CNTNAP2: variants seen among roughly 807,000 people sequenced by gnomAD.
The protein encoded by CNTNAP2 is contactin-associated protein-like 2.
Under a neutral mutation model 155.2 loss-of-function variants are expected in CNTNAP2, and 98 were observed. The ratio of observed to expected loss-of-function variants is 0.63; its 90% CI spans 0.54 to 0.75. CNTNAP2 has a LOEUF of 0.75. Ranked by LOEUF, CNTNAP2 falls within the 30% of genes least tolerant of loss-of-function variation. CNTNAP2 has a pLI of 0.00. For synonymous variants in CNTNAP2, 651 were observed against 631.2 expected, an observed-to-expected ratio of 1.03 and a Z score of -0.47; for missense variants, 1,727 against 1,688.1, an observed-to-expected ratio of 1.02 and a Z score of -0.40.
intron 9 of CNTNAP2, among the ~76,000 whole-genome samples, chr7:147,386,932 G>A (rs1017481776): frequency 2.0e-5 from 3 of 152,204 alleles, no homozygotes; most frequent in African/African-American, 7.2e-5. Flanking sequence ...GGCTAGGTAA[G>A]TCTCACAATC....
chr7:148,066,574 T>A (rs886384194), intron 15 of CNTNAP2, among the ~76,000 whole-genome samples: 4 of 152,126 alleles, frequency 2.6e-5, no homozygotes, highest in Admixed American at 6.5e-5. Context: ...CTCGGCTCAC[T>A]GCAAGCTCCA....
intron 13 of CNTNAP2, among the ~76,000 whole-genome samples, chr7:147,739,238 T>G (rs1796914318): frequency 6.6e-6 from 1 of 151,824 alleles, no homozygotes; most frequent in Admixed American, 6.6e-5. Flanking sequence ...AGAGAAAACC[T>G]TATACTTTTA....
intron 13 of CNTNAP2, chr7:147,894,084 C>T (rs1799737000): frequency 6.6e-6 from 1 of 152,206 alleles, no homozygotes; most frequent in Non-Finnish European, 1.5e-5. Context: ...TGCTCCATCC[C>T]ATCCTGGAGA....
intron 21 of CNTNAP2, among the ~76,000 whole-genome samples, chr7:148,338,604 G>C (rs1006155263): frequency 1.3e-5 from 2 of 152,064 alleles, no homozygotes; most frequent in African/African-American, 4.8e-5. Context: ...GGCAGAGCAA[G>C]GTTTATTTTG....
At chr7:148,037,583 T>C (rs1423754677) in intron 15 of CNTNAP2, among the ~76,000 whole-genome samples, 1 of 152,230 alleles carries the variant, frequency 6.6e-6, no homozygotes, top group East Asian at 1.9e-4. Context: ...AGTCCCCCCT[T>C]GTCCGTGGTT....
chr7:147,732,897 T>C (rs1796768415), intron 13 of CNTNAP2, among the ~76,000 whole-genome samples: 1 of 152,238 alleles, frequency 6.6e-6, no homozygotes, highest in Non-Finnish European at 1.5e-5. Flanking sequence ...TGTTTTCTTG[T>C]AAATTTGTTT....
At chr7:147,270,484 T>TA (rs1804718952) in intron 8 of CNTNAP2, among the ~76,000 whole-genome samples, 1 of 152,222 alleles carries the variant, frequency 6.6e-6, no homozygotes, top group Non-Finnish European at 1.5e-5. Context: ...CTAGAAAATT[T>TA]AAAATTACAC....
At chr7:148,135,465 A>G (rs1369323860) in intron 16 of CNTNAP2, among the ~76,000 whole-genome samples, 1 of 152,158 alleles carries the variant, frequency 6.6e-6, no homozygotes, top group Non-Finnish European at 1.5e-5. Flanking sequence ...ATGATAGCAT[A>G]CTATCTATTT....
rs749270618 is a variant in CNTNAP2 at position 147,903,733 on chromosome 7, C to T, written c.2255+12C>T. On this transcript the variant is annotated intron_variant, in intron 14 of 23. Transcript: ENST00000361727. ...GACTACAAGCAATGGTGAGTGCCTGCGGGCAGCACAGCCAGGCTCACCCTC... is the reference window on the plus strand; with the variant it reads ...GACTACAAGCAATGGTGAGTGCCTGTGGGCAGCACAGCCAGGCTCACCCTC... 2.4e-5 allele frequency: 38 copies of T among 1,612,674 alleles called. No individual in the cohort carries two copies. In the East Asian group the frequency reaches 7.6e-4, roughly 32 times the overall value.
intron 8 of CNTNAP2, among the ~76,000 whole-genome samples, chr7:147,148,970 C>T (rs923196736): frequency 1.4e-4 from 21 of 152,292 alleles, no homozygotes; most frequent in African/African-American, 4.8e-4. Flanking sequence ...TGAGCAGCAG[C>T]AAGATTTATT....
At chr7:146,451,597 G>A (rs1390383534) in intron 1 of CNTNAP2, among the ~76,000 whole-genome samples, 2 of 151,842 alleles carry the variant, frequency 1.3e-5, no homozygotes, top group African/African-American at 2.4e-5. Flanking sequence ...TTTAACAACG[G>A]GCCCTACGTT....
At chr7:146,778,169 G>A (rs192014026) in intron 2 of CNTNAP2, among the ~76,000 whole-genome samples, 1 of 152,314 alleles carries the variant, frequency 6.6e-6, no homozygotes, top group East Asian at 1.9e-4. Flanking sequence ...TGAGCATTAT[G>A]TTGATAAACA....
At chr7:148,315,923 G>T (rs1043152420) in intron 21 of CNTNAP2, among the ~76,000 whole-genome samples, 1 of 152,148 alleles carries the variant, frequency 6.6e-6, no homozygotes, top group Non-Finnish European at 1.5e-5. Context: ...GTCTAGGCTG[G>T]AGTATATTCA....
At chr7:147,026,245 T>C (rs532762493) in intron 3 of CNTNAP2, among the ~76,000 whole-genome samples, 9 of 152,310 alleles carry the variant, frequency 5.9e-5, no homozygotes, top group Middle Eastern at 3.4e-3. Context: ...GAGATACGTA[T>C]GAAAGCATTA....
At chr7:146,360,571 A>G (rs1003359436) in intron 1 of CNTNAP2, among the ~76,000 whole-genome samples, 1 of 152,192 alleles carries the variant, frequency 6.6e-6, no homozygotes, top group African/African-American at 2.4e-5. Context: ...TGTGGATGTT[A>G]CCATATTCAA....
chr7:146,555,873 A>C (rs561742747), intron 1 of CNTNAP2, among the ~76,000 whole-genome samples: 1 of 152,250 alleles, frequency 6.6e-6, no homozygotes, highest in East Asian at 1.9e-4. Flanking sequence ...TTCTTGTAAA[A>C]GTGATGGTTA....
chr7:146,515,535 G>C (rs1423476200), intron 1 of CNTNAP2, among the ~76,000 whole-genome samples: 2 of 151,874 alleles, frequency 1.3e-5, no homozygotes, highest in Non-Finnish European at 2.9e-5. Flanking sequence ...TTTTGTGAAG[G>C]AGAGTGATGC....
chr7:147,250,612 G>C (rs920881536), intron 8 of CNTNAP2, among the ~76,000 whole-genome samples: 5 of 151,526 alleles, frequency 3.3e-5, no homozygotes, highest in African/African-American at 1.2e-4. Context: ...CCCTCTTTCG[G>C]GGGAGGGAGA....
chr7:147,522,672 G>C (rs1799248003), intron 11 of CNTNAP2, among the ~76,000 whole-genome samples: 1 of 150,846 alleles, frequency 6.6e-6, no homozygotes, highest in African/African-American at 2.4e-5. Flanking sequence ...ACATTTTGGG[G>C]GAAAAAAGTT....
Sources: gnomAD v4.1 joint callset for allele counts (sites outside exome capture counted in the v4.1 genomes callset) on GRCh38, gnomAD v4.1.1 for gene constraint, MANE v1.5 for transcripts, NCBI Gene and HGNC (gene_info 2026-07-23, HGNC 2026-07-21) for gene names.